The following RBM4 variants were observed in gnomAD, a reference collection of about 807,000 sequenced individuals.
RBM4 encodes the protein RNA-binding protein 4.
RBM4 carries 7 observed loss-of-function variants against 29.5 expected under a neutral mutation model. The ratio of observed to expected loss-of-function variants is 0.24; its 90% CI spans 0.14 to 0.45. The LOEUF is 0.45. Ranked by LOEUF, RBM4 falls within the 20% of genes least tolerant of loss-of-function variation. The probability of loss-of-function intolerance (pLI) is 1.00; values close to 1 mark genes in which losing one functional copy is unlikely to be tolerated. For missense variants in RBM4, 387 were observed against 502.3 expected (o/e 0.77, Z 2.19); for synonymous variants, 220 against 205.4 (o/e 1.07, Z -0.61).
intron 2 of RBM4, among the ~76,000 whole-genome samples, chr11:66,658,143 C>T (rs999986034): frequency 6.6e-5 from 10 of 152,062 alleles, no homozygotes; most frequent in Admixed American, 4.6e-4. Flanking sequence ...ATTCTGCTGC[C>T]TCAGCCTCCC....
chr11:66,639,505 ATTC>A (rs1421516271), intron 1 of RBM4, 192 bp from the exon 2 acceptor site: 2 of 697,004 alleles, frequency 2.9e-6, no homozygotes, highest in East Asian at 2.7e-5. Flanking sequence ...ACGTCTTCTT[ATTC>A]TTACAGGTTC....
Position 66,661,795 on chromosome 11 carries a change from C to T in RBM4, c.413-4061C>T, listed in dbSNP as rs1199379205. Among the ~76,000 whole-genome samples the T allele has an allele frequency of 3.9e-5, 6 of 152,200 alleles. No homozygotes were observed. In the South Asian group the frequency reaches 6.2e-4, roughly 16 times the overall value. On this transcript the variant is annotated intron_variant, in intron 2 of 2. Transcript: ENST00000396053. The stretch of plus-strand genomic sequence containing the variant: ...CTGTAATCCCGGCACTTTGGGAAGC[C>T]GAGGTGGGTGGATCACCTGAGGTCA...
intron 2 of RBM4, among the ~76,000 whole-genome samples, chr11:66,655,558 G>A (rs1236697753): frequency 6.6e-6 from 1 of 152,222 alleles, no homozygotes; most frequent in African/African-American, 2.4e-5. Flanking sequence ...GGGATTATAG[G>A]AATGAGCCAT....
rs1938585919 is a variant in RBM4, at chr11:66,644,102, T to C, written c.1065T>C (p.Tyr355=). The C allele has an allele frequency of 6.2e-7, 1 of 1,613,990 alleles. No individual in the cohort carries two copies. Among genetic ancestry groups the C allele is most frequent in the Non-Finnish European group, 8.5e-7 (1 of 1,179,986 alleles). The change falls in exon 3 of 4, where the codon TAT becomes TAC. Residue 355 remains tyrosine, a synonymous_variant. Coordinates refer to ENST00000310092, the MANE Select transcript of RBM4 (RefSeq NM_002896.4). ...YDMARYEREQ[Y]ADRARYSAF The stretch of plus-strand genomic sequence containing the variant: ...TGGCCCGGTATGAGCGGGAGCAGTA[T>C]GCCGATCGGGCGCGGTACTCAGCCT...
chr11:66,646,517 C>T, downstream of RBM4: 1 of 989,012 alleles, frequency 1.0e-6, no homozygotes, highest in Non-Finnish European at 1.2e-6. Context: ...TTTGGGGGTT[C>T]ATTTGTACCT....
chr11:66,646,017 T>C lies in RBM4; in HGVS notation c.*9-10T>C. The C allele has an allele frequency of 6.5e-7, 1 of 1,536,134 alleles. No individual in the cohort carries two copies. On this transcript the variant is annotated splice_polypyrimidine_tract_variant and intron_variant, in intron 3 of 3. Coordinates refer to ENST00000310092, the MANE Select transcript of RBM4 (RefSeq NM_002896.4). Reference sequence around the variant, plus strand: ...TTGCTGTAAAGCCGCTGTATTGTGCTCTCTTTCAGGTGGGATGTGTGTGGG... The same window carrying C: ...TTGCTGTAAAGCCGCTGTATTGTGCCCTCTTTCAGGTGGGATGTGTGTGGG...
intron 2 of RBM4, among the ~76,000 whole-genome samples, chr11:66,654,444 C>T (rs938639940): frequency 6.0e-4 from 91 of 151,876 alleles, no homozygotes; most frequent in Middle Eastern, 3.2e-3. Flanking sequence ...TGCAGCGAGT[C>T]GAGATAGTGC....
At chr11:66,651,230 C>A (rs1396373988), downstream of RBM4, among the ~76,000 whole-genome samples, 3 of 151,872 alleles carry the variant, frequency 2.0e-5, no homozygotes, top group East Asian at 5.8e-4. Context: ...TGTGTTCTTA[C>A]ACATGATCTC....
chr11:66,657,747 C>CT lies in RBM4; in HGVS notation c.413-8101dup, dbSNP rs1247674333. ...CCACCTCGCCTGCCCCCTCCCCCAC[C>CT]TTTTTTTTGAGACAGGGTCTTCCTA... On this transcript the variant is annotated intron_variant, in intron 2 of 2. Transcript: ENST00000396053. 1.3e-4 allele frequency among the ~76,000 whole-genome samples: 19 copies of CT among 149,854 alleles called. 1 individual carries two copies. The South Asian group carries it at 1.9e-3, about 15-fold the overall frequency.
chr11:66,653,162 G>A (rs1481472829), intron 2 of RBM4, among the ~76,000 whole-genome samples: 1 of 152,070 alleles, frequency 6.6e-6, no homozygotes, highest in African/African-American at 2.4e-5. Flanking sequence ...ACACCAAACT[G>A]AGTTTGGGGC....
intron 2 of RBM4, among the ~76,000 whole-genome samples, chr11:66,652,865 C>T (rs566061364): frequency 3.3e-5 from 5 of 152,194 alleles, no homozygotes; most frequent in African/African-American, 1.2e-4. Flanking sequence ...CCCGCACCCC[C>T]ACCAAAACAG....
At chr11:66,647,859 G>T (rs1420372684), downstream of RBM4, among the ~76,000 whole-genome samples, 1 of 152,182 alleles carries the variant, frequency 6.6e-6, no homozygotes, top group Non-Finnish European at 1.5e-5. Context: ...ATTTTCAGAA[G>T]TGACATGATA....
downstream of RBM4, among the ~76,000 whole-genome samples, chr11:66,649,265 T>G (rs956956876): frequency 8.5e-5 from 13 of 152,218 alleles, no homozygotes; most frequent in African/African-American, 2.2e-4. Context: ...CCTAAATTGC[T>G]GGAATTACAG....
At chr11:66,647,062 T>G (rs1261173857), downstream of RBM4, among the ~76,000 whole-genome samples, 3 of 152,226 alleles carry the variant, frequency 2.0e-5, no homozygotes, top group Non-Finnish European at 4.4e-5. Flanking sequence ...ACCCAACATA[T>G]GAGGCTTTAG....
At chr11:66,641,621 TG>T (rs1450450157) in intron 2 of RBM4, among the ~76,000 whole-genome samples, 2 of 152,212 alleles carry the variant, frequency 1.3e-5, no homozygotes, top group Non-Finnish European at 2.9e-5. Flanking sequence ...GAGGACAGTG[TG>T]GTCTTGATTC....
Position 66,644,065 on chromosome 11 carries a change from C to T in RBM4, c.1028C>T (p.Ser343Phe). The T allele has an allele frequency of 1.2e-6, 2 of 1,614,038 alleles. No homozygotes were observed. Among genetic ancestry groups the T allele is most frequent in the Non-Finnish European group, 1.7e-6 (2 of 1,180,024 alleles). The change falls in exon 3 of 4, where the codon TCT becomes TTT. Residue 343 changes from serine (S) to phenylalanine (F), a missense_variant. Ser to Phe is a radical substitution (Grantham distance 155). Around this residue, in one of 2 missense-constraint regions of RBM4, gnomAD observed 281 missense variants for 288.7 expected, o/e 0.97. Transcript: ENST00000310092. Reference protein sequence around the residue: ...LSQASAAARNSLYDMARYERE... With the variant: ...LSQASAAARNFLYDMARYERE... ...CAAGCTTCAGCAGCCGCGCGGAATT[C>T]TCTGTACGACATGGCCCGGTATGAG...
At chr11:66,640,298 ACC>A (rs1401959530) in intron 2 of RBM4, 175 bp downstream of exon 2, 10 of 839,498 alleles carry the variant, frequency 1.2e-5, no homozygotes, top group African/African-American at 1.7e-5. Flanking sequence ...TAGGGGCTTT[ACC>A]TTAGGCAAAT....
At chr11:66,640,309 A>C (rs1034461027) in intron 2 of RBM4, 186 bp downstream of exon 2, 3 of 773,750 alleles carry the variant, frequency 3.9e-6, no homozygotes, top group Non-Finnish European at 6.1e-6. Context: ...CCTTAGGCAA[A>C]TGTCTCCTGG....
chr11:66,654,440 G>T (rs1301493263), intron 2 of RBM4, among the ~76,000 whole-genome samples: 1 of 152,024 alleles, frequency 6.6e-6, no homozygotes, highest in Non-Finnish European at 1.5e-5. Flanking sequence ...AGCTTGCAGC[G>T]AGTCGAGATA....
Sources: gnomAD v4.1 joint callset for allele counts (sites outside exome capture counted in the v4.1 genomes callset) on GRCh38, gnomAD v4.1.1 for gene constraint, gnomAD v4.1.1 regional missense constraint, MANE v1.5 for transcripts, NCBI Gene and HGNC (gene_info 2026-07-23, HGNC 2026-07-21) for gene names.